The following SLC26A7 variants were observed in gnomAD, a reference collection of about 807,000 sequenced individuals.
SLC26A7 encodes the protein anion exchange transporter.
Under a neutral mutation model 82.5 loss-of-function variants are expected in SLC26A7, and 59 were observed. The ratio of observed to expected loss-of-function variants is 0.72; its 90% CI spans 0.58 to 0.89. SLC26A7 has a LOEUF of 0.89. Among genes scored for constraint, SLC26A7 ranks in the 40% least tolerant of loss-of-function variants. SLC26A7 has a pLI of 0.00. For missense variants in SLC26A7, 820 were observed against 793.0 expected (o/e 1.03, Z -0.41); for synonymous variants, 271 against 274.3 (o/e 0.99, Z 0.12).
At chr8:91,369,429 C>G (rs899726603) in intron 14 of SLC26A7, among the ~76,000 whole-genome samples, 2 of 150,542 alleles carry the variant, frequency 1.3e-5, no homozygotes, top group African/African-American at 4.9e-5. Context: ...CAGTGGTTCT[C>G]TCTCTTAAAA....
At chr8:91,394,902 A>G (rs746799439) in intron 18 of SLC26A7, among the ~76,000 whole-genome samples, 160 bp from the exon 19 acceptor site, 2 of 152,072 alleles carry the variant, frequency 1.3e-5, no homozygotes, top group African/African-American at 2.4e-5. Context: ...TTGAGTTTGG[A>G]CCTGGAGCTT....
In SLC26A7 at chr8:91,392,530, T is replaced by C. The variant is rs145471469; in HGVS notation, c.1777-1267T>C. Among the ~76,000 whole-genome samples the C allele has an allele frequency of 2.9e-3, 442 of 152,314 alleles. 1 individual carries two copies. The highest frequency in any genetic ancestry group is 0.02 in the Middle Eastern group (6 of 294). ...ATTTTAAAAATGTCATTTCTGAAAG[T>C]GTAAATAATATCATTGCATATTATT... On this transcript the variant is annotated intron_variant, in intron 16 of 18. Coordinates refer to ENST00000276609, the MANE Select transcript of SLC26A7 (RefSeq NM_052832.4).
In SLC26A7 at chr8:91,318,213, T is replaced by G. The variant is rs780284182; in HGVS notation, c.478-3T>G. ...TCATCTCACTTCTCCCTTCTCCTCT[T>G]AGGTGGCCATGTTTGTGCTGCAACT... On this transcript the variant is annotated splice_polypyrimidine_tract_variant and splice_region_variant and intron_variant, in intron 4 of 18. Coordinates refer to ENST00000276609, the MANE Select transcript of SLC26A7 (RefSeq NM_052832.4). 1.9e-6 allele frequency: 3 copies of G among 1,597,118 alleles called. No individual in the cohort carries two copies. The highest frequency in any genetic ancestry group is 2.6e-6 in the Non-Finnish European group (3 of 1,170,658).
At chr8:91,221,642 G>A (rs1275313590) in intron 2 of SLC26A7, among the ~76,000 whole-genome samples, 1 of 152,080 alleles carries the variant, frequency 6.6e-6, no homozygotes, top group Non-Finnish European at 1.5e-5. Context: ...TTGCCCCATT[G>A]CTTGTTTTTT....
rs1814565381 is a variant in SLC26A7 at position 91,378,035 on chromosome 8, CA to C, written c.1675+8204del. Among the ~76,000 whole-genome samples the C allele has an allele frequency of 2.0e-5, 3 of 152,212 alleles. No homozygotes were observed. In the South Asian group the frequency reaches 6.2e-4, roughly 32 times the overall value. ...ATGGCATGGTTACTGCCTTATTTCT[CA>C]AGTCTTCACTATTATTCTTTTCCCA... On this transcript the variant is annotated intron_variant, in intron 15 of 18. Transcript: ENST00000276609.
At chr8:91,321,513 T>C (rs79090008) in intron 5 of SLC26A7, among the ~76,000 whole-genome samples, 1 of 152,330 alleles carries the variant, frequency 6.6e-6, no homozygotes, top group Non-Finnish European at 1.5e-5. Context: ...CCCTAGAACT[T>C]TGAATGCCCT....
chr8:91,289,609 C>T (rs779592592), intron 3 of SLC26A7, among the ~76,000 whole-genome samples: 19 of 150,816 alleles, frequency 1.3e-4, no homozygotes, highest in African/African-American at 3.7e-4. Context: ...TGCGCCACTG[C>T]GCTGCAGCCT....
rs752076788 is a variant in SLC26A7, at chr8:91,289,153, C to G, written c.211C>G (p.Leu71Val). The G allele has an allele frequency of 6.2e-6, 10 of 1,613,636 alleles. No homozygotes were observed. Among genetic ancestry groups the G allele is most frequent in the Admixed American group, 1.7e-5 (1 of 59,994 alleles). The change falls in exon 3 of 19, where the codon CTC (leucine) becomes GTC (valine). Residue 71 changes from leucine to valine, a missense_variant. Physicochemically the swap from Leu to Val is conservative, Grantham distance 32. Transcript: ENST00000276609. ...QVTQGLAFAV[L>V]SSVHPVFGLY... Reference sequence around the variant, plus strand: ...CTTCACAGGATTGGCCTTTGCTGTTCTCTCATCTGTGCACCCAGTGTTTGG... The same window carrying G: ...CTTCACAGGATTGGCCTTTGCTGTTGTCTCATCTGTGCACCCAGTGTTTGG...
chr8:91,292,742 TA>T (rs1215497134), intron 3 of SLC26A7, among the ~76,000 whole-genome samples: 2 of 151,690 alleles, frequency 1.3e-5, no homozygotes, highest in African/African-American at 4.8e-5. Context: ...GTTTTTTTTT[TA>T]AAAAAAGGAA....
At chr8:91,271,886 G>T (rs963252509) in intron 2 of SLC26A7, among the ~76,000 whole-genome samples, 1 of 152,144 alleles carries the variant, frequency 6.6e-6, no homozygotes, top group Non-Finnish European at 1.5e-5. Flanking sequence ...GAGCCACAGC[G>T]CCCGGCCGAG....
In SLC26A7 at chr8:91,396,085, G is replaced by A. The variant is rs935764062; in HGVS notation, c.*988G>A. ...TTTTTTTTTCTTTTGTTAGAGGAGA[G>A]CTTGATGTGATTATCTTCAAACCCA... is the stretch of plus-strand genomic sequence containing the variant. On this transcript the variant is annotated 3_prime_UTR_variant, in exon 19 of 19. Transcript: ENST00000276609. 5.9e-5 allele frequency: 9 copies of A among 151,834 alleles called. No homozygotes were observed. The highest frequency in any genetic ancestry group is 2.2e-4 in the African/African-American group (9 of 41,376). The allele number at this position is 151,834 out of a possible 1,614,324, so 9.4% of individuals were successfully genotyped here. A position where few individuals can be genotyped will look rare whatever the true frequency, so the allele number is the denominator to read the frequency against.
At chr8:91,330,272 A>C (rs1025551873) in intron 5 of SLC26A7, among the ~76,000 whole-genome samples, 1 of 152,156 alleles carries the variant, frequency 6.6e-6, no homozygotes, top group African/African-American at 2.4e-5. Flanking sequence ...TTAACATGTT[A>C]ATGATAAAAT....
chr8:91,321,923 A>T (rs530085621), intron 5 of SLC26A7, among the ~76,000 whole-genome samples: 2 of 152,096 alleles, frequency 1.3e-5, no homozygotes, highest in African/African-American at 4.8e-5. Context: ...TTGTGCACTG[A>T]TGATAATTAT....
At chr8:91,361,926 T>C (rs1296661558) in intron 11 of SLC26A7, among the ~76,000 whole-genome samples, 1 of 152,152 alleles carries the variant, frequency 6.6e-6, no homozygotes, top group Non-Finnish European at 1.5e-5. Flanking sequence ...ACAACCTTAG[T>C]TATTTTTATA....
rs144832441 is a variant in SLC26A7, at chr8:91,310,145, C to T, written c.478-8071C>T. ...CAGTTTAATAACTGCCTGACCATCA[C>T]TTGATGGTCGCCTGACATTCTAGGT... On this transcript the variant is annotated intron_variant, in intron 4 of 18. Coordinates refer to ENST00000276609, the MANE Select transcript of SLC26A7 (RefSeq NM_052832.4). Among the ~76,000 whole-genome samples the T allele has an allele frequency of 2.7e-4, 41 of 152,240 alleles. No individual in the cohort carries two copies. The East Asian group carries it at 7.5e-3, about 28-fold the overall frequency.
intron 9 of SLC26A7, among the ~76,000 whole-genome samples, chr8:91,348,845 G>A (rs894466134): frequency 8.5e-5 from 13 of 152,190 alleles, no homozygotes; most frequent in African/African-American, 2.2e-4. Context: ...TAAAATATAC[G>A]AAGAAAGTAG....
At chr8:91,368,422 T>TG (rs1554614372) in intron 14 of SLC26A7, among the ~76,000 whole-genome samples, 3 of 151,334 alleles carry the variant, frequency 2.0e-5, no homozygotes, top group African/African-American at 7.3e-5. Flanking sequence ...GGTTTTTTTT[T>TG]TTGTTTTTTT....
chr8:91,383,022 A>T (rs1814707439), intron 15 of SLC26A7, among the ~76,000 whole-genome samples: 1 of 152,150 alleles, frequency 6.6e-6, no homozygotes, highest in African/African-American at 2.4e-5. Flanking sequence ...GGCTATATAC[A>T]TGAAAGGGGA....
At chr8:91,271,859 G>T (rs1420091509) in intron 2 of SLC26A7, among the ~76,000 whole-genome samples, 3 of 152,176 alleles carry the variant, frequency 2.0e-5, no homozygotes, top group Admixed American at 2.0e-4. Context: ...CTCTCAAAGT[G>T]TTGGGATTAC....
Sources: gnomAD v4.1 joint callset for allele counts (sites outside exome capture counted in the v4.1 genomes callset) on GRCh38, gnomAD v4.1.1 for gene constraint, MANE v1.5 for transcripts, NCBI Gene and HGNC (gene_info 2026-07-23, HGNC 2026-07-21) for gene names.